DLGAP2: variants seen among roughly 807,000 people sequenced by gnomAD.
The protein encoded by DLGAP2 is disks large-associated protein 2.
A neutral mutation model predicts 100.3 loss-of-function variants in DLGAP2; 26 were observed. The observed-to-expected ratio is 0.26, with a 90% CI of 0.19 to 0.36. DLGAP2 has a LOEUF of 0.36. Among genes scored for constraint, DLGAP2 ranks in the 10% least tolerant of loss-of-function variants. The pLI is 1.00. For missense variants in DLGAP2, 1,858 were observed against 1,453.2 expected, an observed-to-expected ratio of 1.28 and a Z score of -4.53; for synonymous variants, 886 against 630.1, an observed-to-expected ratio of 1.41 and a Z score of -6.08.
intron 3 of DLGAP2, among the ~76,000 whole-genome samples, chr8:1,336,491 G>A (rs879182939): frequency 6.6e-6 from 1 of 152,194 alleles, no homozygotes; most frequent in Admixed American, 6.5e-5. Flanking sequence ...GGACGTTCCA[G>A]TGTGCCACTG....
intron 3 of DLGAP2, among the ~76,000 whole-genome samples, chr8:1,417,688 CAG>C (rs1563134232): frequency 1.4e-5 from 2 of 143,728 alleles, no homozygotes; most frequent in Non-Finnish European, 3.0e-5. Flanking sequence ...CAGGGGGGCA[CAG>C]GGGGCCCCAC....
In DLGAP2 at chr8:1,222,125, G is replaced by C. The variant is rs576210852; in HGVS notation, c.74-36726G>C. The stretch of plus-strand genomic sequence containing the variant: ...GTGAAGAAACATTGCCGGGGAGCTA[G>C]AGCAGTCATTTGGTTGTAAGAAGAC... On this transcript the variant is annotated intron_variant, in intron 2 of 14. Coordinates refer to ENST00000637795, the MANE Select transcript of DLGAP2 (RefSeq NM_001346810.2). 6.8e-4 allele frequency among the ~76,000 whole-genome samples: 103 copies of C among 152,304 alleles called. No individual in the cohort carries two copies. In the Middle Eastern group the frequency reaches 0.01, roughly 15 times the overall value.
intron 6 of DLGAP2, chr8:1,621,226 A>G (rs899438679): frequency 1.3e-5 from 2 of 152,338 alleles, no homozygotes; most frequent in Non-Finnish European, 2.9e-5. Context: ...AGTCCTGGTT[A>G]TAGCAAAGGA....
chr8:990,321 C>A (rs1363702702), intron 2 of DLGAP2, among the ~76,000 whole-genome samples: 2 of 143,712 alleles, frequency 1.4e-5, no homozygotes, highest in Non-Finnish European at 1.5e-5. Flanking sequence ...ACCCCCTGCA[C>A]CCCCATACTC....
intron 1 of DLGAP2, among the ~76,000 whole-genome samples, chr8:848,071 C>T (rs922299644): frequency 2.0e-5 from 3 of 152,178 alleles, no homozygotes; most frequent in African/African-American, 7.2e-5. Flanking sequence ...GCCCTGCTCC[C>T]AGCCACAGGC....
chr8:1,512,207 A>T (rs1800190111), intron 4 of DLGAP2, among the ~76,000 whole-genome samples: 1 of 152,248 alleles, frequency 6.6e-6, no homozygotes, highest in South Asian at 2.1e-4. Flanking sequence ...TTGCTAGCAA[A>T]CAGATGTCCA....
At chr8:1,217,463 G>A (rs1439413539) in intron 2 of DLGAP2, among the ~76,000 whole-genome samples, 1 of 152,022 alleles carries the variant, frequency 6.6e-6, no homozygotes, top group Non-Finnish European at 1.5e-5. Flanking sequence ...TATTCTATTG[G>A]GTATATACCC....
At chr8:1,593,936 C>T (rs921975703) in intron 6 of DLGAP2, among the ~76,000 whole-genome samples, 1 of 152,230 alleles carries the variant, frequency 6.6e-6, no homozygotes, top group Non-Finnish European at 1.5e-5. Flanking sequence ...TGGCATCTAC[C>T]TTCCAAGCCT....
chr8:982,883 A>ATTTTTTTTTTT (rs35686773), intron 2 of DLGAP2, among the ~76,000 whole-genome samples: 3 of 117,336 alleles, frequency 2.6e-5, no homozygotes, highest in Non-Finnish European at 3.4e-5. Context: ...TAAAGGTAGG[A>ATTTTTTTTTTT]TTTTTTTTTT....
At chr8:1,408,965 T>C (rs145555581) in intron 3 of DLGAP2, among the ~76,000 whole-genome samples, 24 of 152,366 alleles carry the variant, frequency 1.6e-4, no homozygotes, top group African/African-American at 5.8e-4. Context: ...TCGATGTCTG[T>C]TGGGGAAGCA....
rs1429195099 is a variant in DLGAP2, at chr8:1,085,171, ATG to A, written c.74-173674_74-173673del. Among the ~76,000 whole-genome samples, 5 of 152,344 alleles carry A rather than the reference ATG, an allele frequency of 3.3e-5. No homozygotes were observed. In the East Asian group the frequency reaches 9.6e-4, roughly 29 times the overall value. ...CCATTCAAGTGCCTTCTTTTGAGAA[ATG>A]TGTGTTCAGGTACCTTGCCCATTTC... On this transcript the variant is annotated intron_variant, in intron 2 of 14. Coordinates refer to ENST00000637795, the MANE Select transcript of DLGAP2 (RefSeq NM_001346810.2).
chr8:1,377,226 G>A (rs1349065717), intron 3 of DLGAP2, among the ~76,000 whole-genome samples: 2 of 152,352 alleles, frequency 1.3e-5, no homozygotes, highest in Non-Finnish European at 2.9e-5. Context: ...GGTGTTTGGG[G>A]CCAGCCAGGA....
chr8:1,411,046 A>G (rs1395983902), intron 3 of DLGAP2, among the ~76,000 whole-genome samples: 1 of 152,160 alleles, frequency 6.6e-6, no homozygotes, highest in African/African-American at 2.4e-5. Flanking sequence ...AGTGCATAAA[A>G]GGTGACTAAA....
At position 1,377,187 on chromosome 8, in the gene DLGAP2, G is replaced by A. The variant is rs916471863; in HGVS notation, c.106+118304G>A. Among the ~76,000 whole-genome samples, 3 of 152,352 alleles carry A rather than the reference G, an allele frequency of 2.0e-5. No homozygotes were observed. In the South Asian group the frequency reaches 6.2e-4, roughly 32 times the overall value. ...CCTACCTGGCCCCTCCAGGTCAGTG[G>A]TGTGCAGCTGTAGGGTTAGGGCAGC... On this transcript the variant is annotated intron_variant, in intron 3 of 14. Transcript: ENST00000637795.
intron 1 of DLGAP2, among the ~76,000 whole-genome samples, chr8:837,942 C>A (rs983849386): frequency 2.7e-5 from 4 of 147,072 alleles, no homozygotes; most frequent in Non-Finnish European, 5.9e-5. Flanking sequence ...GCCATGTTGG[C>A]CAGGCTGCTC....
intron 1 of DLGAP2, among the ~76,000 whole-genome samples, chr8:865,782 G>C (rs564829586): frequency 6.6e-6 from 1 of 152,152 alleles, no homozygotes; most frequent in Non-Finnish European, 1.5e-5. Context: ...ATGGACCTTC[G>C]TGTACATTCC....
chr8:812,157 G>T (rs1429193253), intron 1 of DLGAP2, among the ~76,000 whole-genome samples: 1 of 152,228 alleles, frequency 6.6e-6, no homozygotes, highest in Non-Finnish European at 1.5e-5. Flanking sequence ...AATTGCAGGG[G>T]CTGGTGAGTC....
At chr8:906,809 A>G (rs147384663) in intron 1 of DLGAP2, among the ~76,000 whole-genome samples, 71 of 152,334 alleles carry the variant, frequency 4.7e-4, no homozygotes, top group Middle Eastern at 6.8e-3. Flanking sequence ...CACATTTTGC[A>G]CAGCATTTGC....
chr8:1,518,638 C>G (rs1252463513), intron 4 of DLGAP2, among the ~76,000 whole-genome samples: 4 of 152,128 alleles, frequency 2.6e-5, no homozygotes, highest in African/African-American at 9.7e-5. Flanking sequence ...GACTTGAGCT[C>G]AAGTCATATA....
Sources: gnomAD v4.1 joint callset for allele counts (sites outside exome capture counted in the v4.1 genomes callset) on GRCh38, gnomAD v4.1.1 for gene constraint, MANE v1.5 for transcripts, NCBI Gene and HGNC (gene_info 2026-07-23, HGNC 2026-07-21) for gene names.